The following TMCC1 variants were observed in gnomAD, a reference collection of about 807,000 sequenced individuals.
The protein encoded by TMCC1 is transmembrane and coiled-coil domains protein 1.
TMCC1 carries 15 observed loss-of-function variants against 52.4 expected under a neutral mutation model. The observed-to-expected ratio is 0.29, with a 90% CI of 0.19 to 0.44. The LOEUF (loss-of-function observed/expected upper bound fraction) is 0.44, where lower values mean the gene tolerates loss of function less well. TMCC1 is among the 20% of genes least tolerant of loss of function. TMCC1 has a pLI of 1.00. For synonymous variants in TMCC1, 279 were observed against 301.9 expected, an observed-to-expected ratio of 0.92 and a Z score of 0.79; for missense variants, 503 against 806.0, an observed-to-expected ratio of 0.62 and a Z score of 4.55.
chr3:129,692,542 T>C (rs2047098130), intron 4 of TMCC1, among the ~76,000 whole-genome samples: 2 of 152,236 alleles, frequency 1.3e-5, no homozygotes, highest in Non-Finnish European at 2.9e-5. Context: ...ATTTTTGCCT[T>C]GTTAAGAAGG....
At chr3:129,790,577 G>GA (rs1284765268) in intron 4 of TMCC1, among the ~76,000 whole-genome samples, 28 of 152,120 alleles carry the variant, frequency 1.8e-4, no homozygotes, top group Admixed American at 1.6e-3. Flanking sequence ...TCATACTTTA[G>GA]AAAAAACTGA....
At chr3:129,675,819 C>T (rs565745224) in intron 4 of TMCC1, among the ~76,000 whole-genome samples, 30 of 152,086 alleles carry the variant, frequency 2.0e-4, no homozygotes, top group African/African-American at 5.3e-4. Flanking sequence ...AGGCGGATCA[C>T]GAGGTCAGGA....
At chr3:129,790,731 T>C (rs1455627522) in intron 4 of TMCC1, among the ~76,000 whole-genome samples, 2 of 152,156 alleles carry the variant, frequency 1.3e-5, no homozygotes, top group Non-Finnish European at 2.9e-5. Context: ...CAAGAGTAAA[T>C]TTTTCTCCTT....
At chr3:129,741,570 T>C (rs2051460554) in intron 4 of TMCC1, among the ~76,000 whole-genome samples, 1 of 152,182 alleles carries the variant, frequency 6.6e-6, no homozygotes, top group Admixed American at 6.5e-5. Flanking sequence ...ACTTTGCCAC[T>C]GAGTTAATTG....
intron 4 of TMCC1, among the ~76,000 whole-genome samples, chr3:129,713,546 G>A (rs2048851036): frequency 6.6e-6 from 1 of 151,880 alleles, no homozygotes; most frequent in Admixed American, 6.6e-5. Context: ...TCTGTGACCT[G>A]GTTCTATTCT....
intron 4 of TMCC1, among the ~76,000 whole-genome samples, chr3:129,705,027 G>A (rs2048114696): frequency 6.6e-6 from 1 of 152,178 alleles, no homozygotes; most frequent in South Asian, 2.1e-4. Context: ...TTCTAATAGA[G>A]AAAGTACAGA....
chr3:129,853,591 T>G (rs1054620912), intron 2 of TMCC1, among the ~76,000 whole-genome samples: 1 of 149,040 alleles, frequency 6.7e-6, no homozygotes, highest in Non-Finnish European at 1.5e-5. Context: ...ATTGAGCCAC[T>G]GCATTCCAGC....
chr3:129,736,723 T>C (rs976292597), intron 4 of TMCC1, among the ~76,000 whole-genome samples: 6 of 151,980 alleles, frequency 3.9e-5, no homozygotes, highest in African/African-American at 1.5e-4. Context: ...GGTTTCACTG[T>C]GTTGGTCAGG....
intron 4 of TMCC1, among the ~76,000 whole-genome samples, chr3:129,822,414 T>C (rs2058464967): frequency 6.6e-6 from 1 of 152,182 alleles, no homozygotes; most frequent in Non-Finnish European, 1.5e-5. Context: ...CACTCTAGCC[T>C]GGGCATTAGA....
intron 5 of TMCC1, among the ~76,000 whole-genome samples, chr3:129,666,032 C>T (rs1295711861): frequency 6.6e-6 from 1 of 152,006 alleles, no homozygotes; most frequent in Non-Finnish European, 1.5e-5. Flanking sequence ...TAAACTAAAG[C>T]GTAGAAAAAA....
chr3:129,879,515 C>T (rs554044061), intron 2 of TMCC1, among the ~76,000 whole-genome samples: 4 of 152,258 alleles, frequency 2.6e-5, no homozygotes, highest in East Asian at 1.9e-4. Flanking sequence ...CTGTCTACAA[C>T]GCAATAACAA....
chr3:129,754,907 G>T (rs550602275), intron 4 of TMCC1, among the ~76,000 whole-genome samples: 5 of 152,032 alleles, frequency 3.3e-5, no homozygotes, highest in Non-Finnish European at 5.9e-5. Flanking sequence ...GTGAAACCTC[G>T]TCTCTACTAA....
intron 1 of TMCC1, among the ~76,000 whole-genome samples, chr3:129,891,036 G>A (rs954623063): frequency 6.6e-6 from 1 of 152,204 alleles, no homozygotes. Flanking sequence ...GTTATGTGGG[G>A]AAGTTCAACA....
At position 129,651,911 on chromosome 3, in the gene TMCC1, T is replaced by TATA; in HGVS notation, c.1648-117_1648-116insTAT. On this transcript the variant is annotated intron_variant, in intron 6 of 6. Transcript: ENST00000393238. The surrounding 1 kb of genome is among the most constrained non-coding windows in gnomAD (Gnocchi z 5.1). ...AGCAATGCCAATGATTTTATAAATA[T>TATA]GCTGGAGCCTTGAATGAATGTAAAA... 6 of 1,119,254 alleles carry TATA rather than the reference T, an allele frequency of 5.4e-6. No homozygotes were observed. The highest frequency in any genetic ancestry group is 7.4e-6 in the Non-Finnish European group (6 of 807,384). 69.3% of individuals were successfully genotyped at this position (1,119,254 alleles called of 1,614,324 possible).
chr3:129,719,550 G>A (rs1043350825), intron 4 of TMCC1, among the ~76,000 whole-genome samples: 3 of 152,220 alleles, frequency 2.0e-5, no homozygotes, highest in Non-Finnish European at 4.4e-5. Flanking sequence ...GAAATGGGAT[G>A]CAGTCTTGTG....
chr3:129,669,277 G>C (rs1576376717), intron 5 of TMCC1, among the ~76,000 whole-genome samples: 1 of 152,164 alleles, frequency 6.6e-6, no homozygotes, highest in Admixed American at 6.5e-5. Context: ...TACAGTAGAA[G>C]TACTGAGGAT....
chr3:129,722,613 CCTGA>C (rs1302068344), intron 4 of TMCC1, among the ~76,000 whole-genome samples: 4 of 152,102 alleles, frequency 2.6e-5, no homozygotes, highest in African/African-American at 9.7e-5. Context: ...CCCTCCCCCA[CCTGA>C]CTATCAATAA....
intron 4 of TMCC1, among the ~76,000 whole-genome samples, chr3:129,695,988 C>T (rs1156364771): frequency 6.6e-6 from 1 of 152,134 alleles, no homozygotes; most frequent in Non-Finnish European, 1.5e-5. Flanking sequence ...TATTTTACCC[C>T]AAAACATATT....
chr3:129,700,754 C>T (rs563869030), intron 4 of TMCC1, among the ~76,000 whole-genome samples: 64 of 149,220 alleles, frequency 4.3e-4, no homozygotes, highest in African/African-American at 1.4e-3. Context: ...GGATTACAGG[C>T]GTGAGCCACT....
Sources: allele counts gnomAD v4.1 joint callset (sites outside exome capture counted in the v4.1 genomes callset), GRCh38; gene constraint gnomAD v4.1.1; non-coding constraint Gnocchi (gnomAD v3.1); transcripts MANE v1.5; gene names NCBI Gene and HGNC (gene_info 2026-07-23, HGNC 2026-07-21).